Variants in NDUFAF1 observed in about 807,000 individuals in gnomAD.
The protein encoded by NDUFAF1 is NADH:ubiquinone oxidoreductase complex assembly factor 1.
NDUFAF1 carries 18 observed loss-of-function variants against 28.7 expected under a neutral mutation model. That is an observed-to-expected ratio of 0.63 (90% CI 0.43 to 0.93). The LOEUF (loss-of-function observed/expected upper bound fraction) is 0.93. Among genes scored for constraint, NDUFAF1 ranks in the 40% least tolerant of loss-of-function variants. NDUFAF1 has a pLI of 0.00. For missense variants in NDUFAF1, 404 were observed against 398.3 expected (o/e 1.01, Z -0.12); for synonymous variants, 113 against 139.7 (o/e 0.81, Z 1.35).
At chr15:41,398,178 T>A (rs529483570) in intron 1 of NDUFAF1, among the ~76,000 whole-genome samples, 1 of 151,946 alleles carries the variant, frequency 6.6e-6, no homozygotes, top group South Asian at 2.1e-4. Flanking sequence ...CGGCCTTTTT[T>A]TTTTCTTTTC....
At chr15:41,390,454 G>A (rs922787296) in intron 3 of NDUFAF1, among the ~76,000 whole-genome samples, 26 of 152,266 alleles carry the variant, frequency 1.7e-4, no homozygotes, top group Non-Finnish European at 2.6e-4. Context: ...TGCCAGGCGC[G>A]GTGGCTCACG....
intron 1 of NDUFAF1, among the ~76,000 whole-genome samples, chr15:41,400,125 G>A (rs1022392491): frequency 6.6e-6 from 1 of 151,608 alleles, no homozygotes; most frequent in Non-Finnish European, 1.5e-5. Context: ...TGTAATCCCA[G>A]CACTTTGGGA....
chr15:41,394,455 G>A, intron 3 of NDUFAF1: 1 of 1,014,846 alleles, frequency 9.9e-7, no homozygotes, highest in Non-Finnish European at 1.4e-6. Flanking sequence ...GCATGGACCT[G>A]GCCACATCCA....
chr15:41,387,519 C>T lies in NDUFAF1; in HGVS notation c.909G>A (p.Val303=), dbSNP rs73407109. The T allele has an allele frequency of 0.06, 96,550 of 1,613,042 alleles. 3,747 individuals carry two copies. Among genetic ancestry groups the T allele is most frequent in the African/African-American group, 0.16 (12,242 of 74,948 alleles). The change falls in exon 5 of 5, where the codon GTG becomes GTA. Residue 303 remains valine (V), a synonymous_variant. Transcript: ENST00000260361. ...CTTCTGTATGAGCTGGATCAGTAAA[C>T]ACGCCAATAAAATCTATCTCCAGGA... ...PFFLEIDFIG[V]FTDPAHTEEF...
chr15:41,398,928 C>G (rs1236786587), intron 1 of NDUFAF1, among the ~76,000 whole-genome samples: 3 of 151,640 alleles, frequency 2.0e-5, no homozygotes, highest in African/African-American at 7.3e-5. Context: ...TGCACTCCAG[C>G]CTGGGTGACA....
At chr15:41,392,961 G>T (rs1039070094) in intron 3 of NDUFAF1, among the ~76,000 whole-genome samples, 26 of 152,076 alleles carry the variant, frequency 1.7e-4, no homozygotes, top group African/African-American at 6.0e-4. Flanking sequence ...CCTGGACCAG[G>T]GTGGGAGTAG....
chr15:41,392,496 G>A (rs974317519), intron 3 of NDUFAF1, among the ~76,000 whole-genome samples: 1 of 152,172 alleles, frequency 6.6e-6, no homozygotes, highest in African/African-American at 2.4e-5. Context: ...GGGACCAGGT[G>A]AAGTTAACTG....
At chr15:41,397,802 A>G (rs111995881) in intron 1 of NDUFAF1, among the ~76,000 whole-genome samples, 83 of 130,324 alleles carry the variant, frequency 6.4e-4, no homozygotes, top group Non-Finnish European at 1.1e-3. Flanking sequence ...CTGTCTCGGG[A>G]AAAAAAAAAA....
intron 3 of NDUFAF1, among the ~76,000 whole-genome samples, chr15:41,389,128 G>C (rs1213889823): frequency 2.6e-5 from 4 of 151,836 alleles, no homozygotes; most frequent in Non-Finnish European, 4.4e-5. Flanking sequence ...TGTTACCCAG[G>C]CTGGAGTGCA....
Position 41,396,764 on chromosome 15 carries a change from TC to T in NDUFAF1, c.295del (p.Asp99MetfsTer40). Reference sequence around the variant, plus strand: ...TCCTCTCCAATGATCCACAATTTCATCCTTCAAAAGCCTAAAATGGTATATT... The same window carrying T: ...TCCTCTCCAATGATCCACAATTTCATCTTCAAAAGCCTAAAATGGTATATT... The part of the protein sequence containing the change: ...EAIYHFRLLK[D>X]EIVDHWRGPE... On this transcript the variant is annotated frameshift_variant, in exon 2 of 5. Transcript: ENST00000260361. LOFTEE classifies it high-confidence loss of function. 1.2e-6 allele frequency: 2 copies of T among 1,614,150 alleles called. No homozygotes were observed. The highest frequency in any genetic ancestry group is 1.7e-6 in the Non-Finnish European group (2 of 1,180,028).
chr15:41,394,190 A>C (rs760152618), intron 3 of NDUFAF1: 33 of 461,160 alleles, frequency 7.2e-5, no homozygotes, highest in Non-Finnish European at 1.3e-4. Context: ...CACCACGCCC[A>C]GCTAATTTTG....
intron 3 of NDUFAF1, among the ~76,000 whole-genome samples, chr15:41,391,462 TAA>T (rs1186755348): frequency 2.0e-5 from 3 of 151,676 alleles, no homozygotes; most frequent in African/African-American, 7.3e-5. Context: ...CCATCTCTCC[TAA>T]AAATACAAAA....
At chr15:41,395,111 C>T in intron 2 of NDUFAF1, 67 bp from the exon 3 acceptor site, 1 of 1,462,604 alleles carries the variant, frequency 6.8e-7, no homozygotes, top group Non-Finnish European at 9.4e-7. Flanking sequence ...GAGTCATCAC[C>T]AAGTCAGCAT....
At chr15:41,395,860 G>A (rs1316520725) in intron 2 of NDUFAF1, among the ~76,000 whole-genome samples, 11 of 151,502 alleles carry the variant, frequency 7.3e-5, no homozygotes, top group Non-Finnish European at 8.8e-5. Flanking sequence ...CCAAGGGTGG[G>A]GTGGATCACC....
In NDUFAF1 at chr15:41,387,605, A is replaced by G. The variant is rs1595628628; in HGVS notation, c.835-12T>C. ...CCTATAGAAGAGATCTAAATTTAAA[A>G]TACAGAAATTGATTAAAATCTCATA... is the stretch of plus-strand genomic sequence containing the variant. On this transcript the variant is annotated splice_polypyrimidine_tract_variant and intron_variant, in intron 4 of 4. Coordinates refer to ENST00000260361, the MANE Select transcript of NDUFAF1 (RefSeq NM_016013.4). 1 of 1,595,714 alleles carries G rather than the reference A, an allele frequency of 6.3e-7. No individual in the cohort carries two copies. Among genetic ancestry groups the G allele is most frequent in the East Asian group, 2.2e-5 (1 of 44,760 alleles).
At position 41,395,345 on chromosome 15, in the gene NDUFAF1, T is replaced by A. The variant is rs74870417; in HGVS notation, c.574-301A>T. Among the ~76,000 whole-genome samples the A allele has an allele frequency of 0.042, 6,311 of 151,944 alleles. 257 individuals carry two copies. The highest frequency in any genetic ancestry group is 0.1 in the African/African-American group (4,339 of 41,392). ...TCCTTTACCTGGTCGTATGGAGCAA[T>A]GACTTTTTCTTTTCTTTTCTTTTCT... is the stretch of plus-strand genomic sequence containing the variant. On this transcript the variant is annotated intron_variant, in intron 2 of 4. Coordinates refer to ENST00000260361, the MANE Select transcript of NDUFAF1 (RefSeq NM_016013.4).
intron 1 of NDUFAF1, among the ~76,000 whole-genome samples, chr15:41,399,403 A>G (rs1426733768): frequency 6.6e-6 from 1 of 151,522 alleles, no homozygotes; most frequent in Admixed American, 6.6e-5. Context: ...AAAAAAAAAA[A>G]AAAATTAGCT....
intron 3 of NDUFAF1, among the ~76,000 whole-genome samples, chr15:41,389,994 C>CT (rs1480281095): frequency 6.6e-6 from 1 of 151,912 alleles, no homozygotes; most frequent in African/African-American, 2.4e-5. Flanking sequence ...GGGTCTTACT[C>CT]TGTCACCCAG....
intron 1 of NDUFAF1, among the ~76,000 whole-genome samples, chr15:41,401,222 C>T (rs139301622): frequency 4.0e-5 from 6 of 151,080 alleles, no homozygotes; most frequent in Non-Finnish European, 7.4e-5. Context: ...CCTACATGGG[C>T]CTCCTAAAGT....
Sources: allele counts gnomAD v4.1 joint callset (sites outside exome capture counted in the v4.1 genomes callset), GRCh38; gene constraint gnomAD v4.1.1; transcripts MANE v1.5; gene names NCBI Gene and HGNC (gene_info 2026-07-23, HGNC 2026-07-21).